DNAH10: variants seen among roughly 807,000 people sequenced by gnomAD.
DNAH10 encodes the protein axonemal beta dynein heavy chain 10.
Under a neutral mutation model 506.6 loss-of-function variants are expected in DNAH10, and 348 were observed. The ratio of observed to expected loss-of-function variants is 0.69; its 90% CI spans 0.63 to 0.75. The LOEUF (loss-of-function observed/expected upper bound fraction) is 0.75. DNAH10 is among the 30% of genes least tolerant of loss of function. The probability of loss-of-function intolerance (pLI) is 0.00; values close to 1 mark genes in which losing one functional copy is unlikely to be tolerated. For missense variants in DNAH10, 5,179 were observed against 5,787.1 expected (o/e 0.89, Z 3.41); for synonymous variants, 2,059 against 2,198.6 (o/e 0.94, Z 1.78).
At position 123,813,828 on chromosome 12, in the gene DNAH10, A is replaced by G. The variant is rs1959039744; in HGVS notation, c.3696A>G (p.Glu1232=). The change falls in exon 21 of 79, where the codon GAA becomes GAG. Residue 1232 remains glutamate, a synonymous_variant. Coordinates refer to ENST00000673944, the MANE Select transcript of DNAH10 (RefSeq NM_001372106.1). Reference sequence around the variant, plus strand: ...AGTTTGTCCTTGCAACAATTGCAGAAATTAGAAGTAAATCTCTAGTCATGG... The same window carrying G: ...AGTTTGTCCTTGCAACAATTGCAGAGATTAGAAGTAAATCTCTAGTCATGG... The part of the protein sequence containing the change: ...DLKFVLATIA[E]IRSKSLVMEL... 6.2e-7 allele frequency: 1 copy of G among 1,613,414 alleles called. No homozygotes were observed. The highest frequency in any genetic ancestry group is 2.2e-5 in the East Asian group (1 of 44,884).
At chr12:123,866,307 A>G (rs920468509) in intron 41 of DNAH10, among the ~76,000 whole-genome samples, 5 of 127,074 alleles carry the variant, frequency 3.9e-5, no homozygotes, top group African/African-American at 1.5e-4. Flanking sequence ...GCAGTGGCGC[A>G]ATCTCGGCTC....
chr12:123,788,111 A>T, intron 10 of DNAH10, 109 bp downstream of exon 10: 1 of 1,253,266 alleles, frequency 8.0e-7, no homozygotes, highest in Non-Finnish European at 1.1e-6. Context: ...AGGGCCTGGC[A>T]GGGAGAAGCC....
In DNAH10 at chr12:123,897,748, T is replaced by G. The variant is rs1382815997; in HGVS notation, c.9281-22T>G. ...TCGAAAAAGAAAAAGAAAGAAAACA[T>G]TTTTTATTCCTTCCTCTTCAGGGTA... On this transcript the variant is annotated intron_variant, in intron 54 of 78. Transcript: ENST00000673944. 1.9e-6 allele frequency: 3 copies of G among 1,587,926 alleles called. No individual in the cohort carries two copies. The African/African-American group carries it at 4.1e-5, about 22-fold the overall frequency.
chr12:123,804,254 G>C (rs1359953735), intron 17 of DNAH10, among the ~76,000 whole-genome samples: 79 of 152,120 alleles, frequency 5.2e-4, no homozygotes, highest in Non-Finnish European at 1.0e-4. Context: ...GGCAGGGCTC[G>C]GTGGCTCACG....
intron 36 of DNAH10, among the ~76,000 whole-genome samples, chr12:123,854,317 C>T (rs1020301364): frequency 1.3e-5 from 2 of 152,210 alleles, no homozygotes; most frequent in East Asian, 1.9e-4. Context: ...GAAAAACCAC[C>T]GATGCCACTT....
intron 39 of DNAH10, among the ~76,000 whole-genome samples, chr12:123,862,297 C>T (rs911199460): frequency 6.6e-6 from 1 of 152,184 alleles, no homozygotes; most frequent in African/African-American, 2.4e-5. Flanking sequence ...TTTGGAGCAT[C>T]TGTTGATGGT....
chr12:123,767,260 T>A (rs1381132627), intron 1 of DNAH10, among the ~76,000 whole-genome samples: 2 of 152,208 alleles, frequency 1.3e-5, no homozygotes, highest in Admixed American at 1.3e-4. Flanking sequence ...ATTTACATCT[T>A]AACCATTTTG....
rs2137121692 is a variant in DNAH10 at position 123,887,207 on chromosome 12, C to T, written c.8889C>T (p.Leu2963=). 3 of 1,613,732 alleles carry T rather than the reference C, an allele frequency of 1.9e-6. No individual in the cohort carries two copies. The highest frequency in any genetic ancestry group is 2.5e-6 in the Non-Finnish European group (3 of 1,179,798). The change falls in exon 52 of 79, where the codon CTC becomes CTT. Residue 2963 remains leucine (L), a synonymous_variant. Transcript: ENST00000673944. ...GTTTCCGGGAAGACCTGAAGAGCCT[C>T]TATTTGAAACTTGGGATTGAGAACA... ...ENSFREDLKS[L]YLKLGIENKA... is the part of the protein sequence containing the mutation.
At chr12:123,765,098 C>T (rs961829489) in intron 1 of DNAH10, among the ~76,000 whole-genome samples, 2 of 151,914 alleles carry the variant, frequency 1.3e-5, no homozygotes, top group Admixed American at 6.6e-5. Context: ...TTCTGCCCCC[C>T]TTCCCCGGTC....
At chr12:123,806,652 T>TTA (rs1217974423) in intron 18 of DNAH10, among the ~76,000 whole-genome samples, 3 of 152,240 alleles carry the variant, frequency 2.0e-5, no homozygotes, top group African/African-American at 4.8e-5. Context: ...ATCCTTTAAA[T>TTA]AACTCTGTTT....
chr12:123,763,470 CCT>C (rs1269861521), intron 1 of DNAH10, among the ~76,000 whole-genome samples: 2 of 152,082 alleles, frequency 1.3e-5, no homozygotes, highest in Non-Finnish European at 2.9e-5. Context: ...CCTTGCAGGG[CCT>C]CTCACTGGGT....
chr12:123,815,126 C>T (rs1367606502), intron 21 of DNAH10, among the ~76,000 whole-genome samples: 1 of 152,172 alleles, frequency 6.6e-6, no homozygotes, highest in African/African-American at 2.4e-5. Flanking sequence ...GATTAATCTG[C>T]ACAAATGGAC....
rs750239336 is a variant in DNAH10, at chr12:123,910,685, T to C, written c.10134+13T>C. On this transcript the variant is annotated intron_variant, in intron 59 of 78. Transcript: ENST00000673944. ...CAAAAGAGAGAAGGTATTGCCCGAA[T>C]GTAAGACTGCCACACCACTGCCAAG... 6.2e-7 allele frequency: 1 copy of C among 1,612,246 alleles called. No homozygotes were observed. The highest frequency in any genetic ancestry group is 2.2e-5 in the East Asian group (1 of 44,868).
At chr12:123,777,506 G>A (rs10846555) in intron 5 of DNAH10, among the ~76,000 whole-genome samples, 111,860 of 151,892 alleles carry the variant, frequency 0.74, 41,849 homozygotes, top group East Asian at 1. Flanking sequence ...GAGTTAGGCT[G>A]TGGGGCCCTC....
rs1464623350 is a variant in DNAH10, at chr12:123,917,627, G to A, written c.11046G>A (p.Val3682=). ...GLEDQLLSVL[V]AYERRELEEQ... ...AGGACCAGCTGCTGAGCGTGCTGGTGGCTTACGAGAGGCGGGAGCTGGAGG... is the reference window on the plus strand; with the variant it reads ...AGGACCAGCTGCTGAGCGTGCTGGTAGCTTACGAGAGGCGGGAGCTGGAGG... The change falls in exon 64 of 79, where the codon GTG becomes GTA. Residue 3682 remains valine, a synonymous_variant. Coordinates refer to ENST00000673944, the MANE Select transcript of DNAH10 (RefSeq NM_001372106.1). The surrounding 1 kb of genome is among the most constrained non-coding windows in gnomAD (Gnocchi z 5.6). The A allele has an allele frequency of 6.4e-7, 1 of 1,551,706 alleles. No individual in the cohort carries two copies. The highest frequency in any genetic ancestry group is 2.0e-5 in the Admixed American group (1 of 51,010).
chr12:123,842,644 A>T (rs1950812633), intron 30 of DNAH10, among the ~76,000 whole-genome samples: 1 of 152,258 alleles, frequency 6.6e-6, no homozygotes, highest in African/African-American at 2.4e-5. Context: ...GTACTGAGGC[A>T]TATCAAAAAT....
chr12:123,913,402 C>G lies in DNAH10; in HGVS notation c.10352+87C>G. 1 of 1,376,068 alleles carries G rather than the reference C, an allele frequency of 7.3e-7. No individual in the cohort carries two copies. Among genetic ancestry groups the G allele is most frequent in the Non-Finnish European group, 9.7e-7 (1 of 1,029,760 alleles). The allele number at this position is 1,376,068 out of a possible 1,614,324, so 85.2% of individuals were successfully genotyped here. A position where few individuals can be genotyped will look rare whatever the true frequency, so the allele number is the denominator to read the frequency against. Reference sequence around the variant, plus strand: ...CTCGCCATGTTGATTCTTTATCTCACGTTGTGTTTTTATGTGAAAACCATG... The same window carrying G: ...CTCGCCATGTTGATTCTTTATCTCAGGTTGTGTTTTTATGTGAAAACCATG... On this transcript the variant is annotated intron_variant, in intron 60 of 78. Transcript: ENST00000673944. The surrounding 1 kb of genome is among the most constrained non-coding windows in gnomAD (Gnocchi z 5.1).
Position 123,926,495 on chromosome 12 carries a change from C to A in DNAH10, c.11922-142C>A. 1.2e-6 allele frequency: 1 copy of A among 865,672 alleles called. No homozygotes were observed. Among genetic ancestry groups the A allele is most frequent in the Non-Finnish European group, 1.7e-6 (1 of 583,416 alleles). The allele number at this position is 865,672 out of a possible 1,614,324, so 53.6% of individuals were successfully genotyped here. A position where few individuals can be genotyped will look rare whatever the true frequency, so the allele number is the denominator to read the frequency against. The stretch of plus-strand genomic sequence containing the variant: ...CGTGCATAGAAACTAGAATCTAAAA[C>A]AGGGAAGACTGCAACGAGCTATCCC... On this transcript the variant is annotated intron_variant, in intron 68 of 78. Transcript: ENST00000673944. This position sits in a 1 kb window ranked among gnomAD's most constrained non-coding sequence, Gnocchi z 4.1.
rs547921643 is a variant in DNAH10, at chr12:123,928,015, A to G, written c.12106-372A>G. On this transcript the variant is annotated intron_variant, in intron 69 of 78. Coordinates refer to ENST00000673944, the MANE Select transcript of DNAH10 (RefSeq NM_001372106.1). This position sits in a 1 kb window ranked among gnomAD's most constrained non-coding sequence, Gnocchi z 4.9. ...AGGCCTAGGGCCCTGAAGATCTTAC[A>G]GTGGCCAGGACAGTCCCGACTTCCT... is the stretch of plus-strand genomic sequence containing the variant. 113 of 276,052 alleles carry G rather than the reference A, an allele frequency of 4.1e-4. 1 individual carries two copies. Among genetic ancestry groups the G allele is most frequent in the African/African-American group, 2.2e-3 (101 of 45,770 alleles). 17.1% of individuals were successfully genotyped at this position (276,052 alleles called of 1,614,324 possible).
Sources: allele counts gnomAD v4.1 joint callset (sites outside exome capture counted in the v4.1 genomes callset), GRCh38; gene constraint gnomAD v4.1.1; non-coding constraint Gnocchi (gnomAD v3.1); transcripts MANE v1.5; gene names NCBI Gene and HGNC (gene_info 2026-07-23, HGNC 2026-07-21).